AFF4: variants seen among roughly 807,000 people sequenced by gnomAD.
The protein encoded by AFF4 is ALF transcription elongation factor 4.
Under a neutral mutation model 124.8 loss-of-function variants are expected in AFF4, and 13 were observed. The observed-to-expected ratio is 0.10, with a 90% CI of 0.07 to 0.17. AFF4 has a LOEUF of 0.17. AFF4 is among the 10% of genes least tolerant of loss of function. AFF4 has a pLI of 1.00. For synonymous variants in AFF4, 477 were observed against 496.1 expected (o/e 0.96, Z 0.51); for missense variants, 1,092 against 1,403.8 (o/e 0.78, Z 3.55).
chr5:132,896,566 A>G lies in AFF4; in HGVS notation c.2064T>C (p.Phe688=), dbSNP rs1760404722. ...CCATAGGAGAGAACATTCGTTGCCG[A>G]AAAAAGCTATCTTCTTCCTCCACTG... is the stretch of plus-strand genomic sequence containing the variant. The part of the protein sequence containing the change: ...PSSVEEEDSF[F]RQRMFSPMEE... Residue 688 remains phenylalanine, a synonymous_variant, in exon 11 of 21, where the codon TTT becomes TTC. Coordinates refer to ENST00000265343, the MANE Select transcript of AFF4 (RefSeq NM_014423.4). The G allele has an allele frequency of 1.9e-6, 3 of 1,613,916 alleles. No individual in the cohort carries two copies. Among genetic ancestry groups the G allele is most frequent in the African/African-American group, 2.7e-5 (2 of 74,876 alleles).
chr5:132,962,777 G>A (rs1762108347), intron 1 of AFF4, among the ~76,000 whole-genome samples: 1 of 150,250 alleles, frequency 6.7e-6, no homozygotes, highest in Admixed American at 6.7e-5. Context: ...AATCCCCTTC[G>A]CAAGTCGAAG....
Position 132,913,433 on chromosome 5 carries a change from C to T in AFF4, c.1051-9029G>A, listed in dbSNP as rs577881014. 7.9e-5 allele frequency among the ~76,000 whole-genome samples: 12 copies of T among 152,252 alleles called. No individual in the cohort carries two copies. The South Asian group carries it at 2.5e-3, about 32-fold the overall frequency. On this transcript the variant is annotated intron_variant, in intron 5 of 20. Transcript: ENST00000265343. ...CAACTTGACCTAACAGGACACTCCA[C>T]TCAACAACAGCAGAATACGCTTCTT...
chr5:132,940,404 G>C (rs1013727226), intron 1 of AFF4, among the ~76,000 whole-genome samples: 4 of 151,764 alleles, frequency 2.6e-5, no homozygotes, highest in African/African-American at 9.7e-5. Flanking sequence ...GGGAGGCTGA[G>C]GCAGGAGAAT....
intron 5 of AFF4, among the ~76,000 whole-genome samples, chr5:132,911,347 C>T (rs1204325440): frequency 6.6e-6 from 1 of 151,772 alleles, no homozygotes; most frequent in African/African-American, 2.4e-5. Context: ...AAATCTCATG[C>T]CAGGAACATA....
chr5:132,895,725 T>C lies in AFF4; in HGVS notation c.2307+598A>G, dbSNP rs1198468019. ...GATTATTATCCTCCAATCACAGACA[T>C]GCGTGAGTTTTCACATTTCCTTAGT... is the stretch of plus-strand genomic sequence containing the variant. On this transcript the variant is annotated intron_variant, in intron 11 of 20. Coordinates refer to ENST00000265343, the MANE Select transcript of AFF4 (RefSeq NM_014423.4). Among the ~76,000 whole-genome samples the C allele has an allele frequency of 2.0e-5, 3 of 152,246 alleles. No homozygotes were observed. In the East Asian group the frequency reaches 5.8e-4, roughly 29 times the overall value.
Position 132,889,032 on chromosome 5 carries a change from C to T in AFF4, c.2732+47G>A, listed in dbSNP as rs533032775. 5.7e-5 allele frequency: 87 copies of T among 1,539,184 alleles called. No individual in the cohort carries two copies. In the South Asian group the frequency reaches 8.7e-4, roughly 15 times the overall value. On this transcript the variant is annotated intron_variant, in intron 14 of 20. Coordinates refer to ENST00000265343, the MANE Select transcript of AFF4 (RefSeq NM_014423.4). ...TGAAAATGAGTTTCTTATATGCTGA[C>T]TGGAATCATTTCTTAAATACAGATA...
rs1206698351 is a variant in AFF4, at chr5:132,908,757, C to CATAT, written c.1051-4357_1051-4354dup. On this transcript the variant is annotated intron_variant, in intron 5 of 20. Coordinates refer to ENST00000265343, the MANE Select transcript of AFF4 (RefSeq NM_014423.4). ...ATATAATCTATACACTATATATATA[C>CATAT]ATATATATATATATATATATTTTTT... Among the ~76,000 whole-genome samples, 38 of 136,154 alleles carry CATAT rather than the reference C, an allele frequency of 2.8e-4. 1 individual carries two copies. Among genetic ancestry groups the CATAT allele is most frequent in the African/African-American group, 9.1e-4 (33 of 36,426 alleles). The allele number at this position is 136,154 out of a possible 152,430, so 89.3% of individuals were successfully genotyped here. A position where few individuals can be genotyped will look rare whatever the true frequency, so the allele number is the denominator to read the frequency against.
At chr5:132,889,699 G>T (rs898959553) in intron 13 of AFF4, among the ~76,000 whole-genome samples, 1 of 152,176 alleles carries the variant, frequency 6.6e-6, no homozygotes, top group Admixed American at 6.5e-5. Flanking sequence ...GTTCAAACAG[G>T]TTTTAAATGG....
intron 13 of AFF4, among the ~76,000 whole-genome samples, chr5:132,889,673 T>G (rs1470259846): frequency 2.0e-5 from 3 of 152,262 alleles, no homozygotes; most frequent in African/African-American, 7.2e-5. Context: ...TCAAGGAGGT[T>G]GAGTAACTTG....
chr5:132,883,303 A>G (rs1760032239), intron 20 of AFF4, 37 bp downstream of exon 20: 2 of 1,585,650 alleles, frequency 1.3e-6, no homozygotes. Flanking sequence ...CCTTCTAACA[A>G]TTCCATCCCT....
At chr5:132,899,508 C>A in intron 8 of AFF4, 79 bp downstream of exon 8, 3 of 1,231,450 alleles carry the variant, frequency 2.4e-6, no homozygotes, top group African/African-American at 1.5e-5. Context: ...GTAATAAATG[C>A]ATTATTCAAT....
At chr5:132,885,486 T>TGGGG (rs1760096850) in intron 18 of AFF4, among the ~76,000 whole-genome samples, 7 of 5,710 alleles carry the variant, frequency 1.2e-3, no homozygotes, top group African/African-American at 3.5e-3. Context: ...GGTGGGTGGG[T>TGGGG]GGGGAGAGGG....
intron 1 of AFF4, among the ~76,000 whole-genome samples, chr5:132,947,755 C>G (rs1467977980): frequency 6.6e-6 from 1 of 152,124 alleles, no homozygotes. Context: ...ACCCATGAGA[C>G]AGTCTGAAGA....
chr5:132,957,156 T>C (rs1761982972), intron 1 of AFF4, among the ~76,000 whole-genome samples: 1 of 142,862 alleles, frequency 7.0e-6, no homozygotes, highest in African/African-American at 2.6e-5. Context: ...GCCCAGGCAA[T>C]ACAGCAAGAC....
intron 3 of AFF4, among the ~76,000 whole-genome samples, chr5:132,933,163 C>T (rs1047858017): frequency 1.3e-5 from 2 of 151,840 alleles, no homozygotes; most frequent in Admixed American, 6.6e-5. Flanking sequence ...TTTGCGAGGC[C>T]GAGGCGGGCG....
At chr5:132,885,370 A>G (rs1395763968) in intron 18 of AFF4, among the ~76,000 whole-genome samples, 1 of 150,908 alleles carries the variant, frequency 6.6e-6, no homozygotes, top group Non-Finnish European at 1.5e-5. Flanking sequence ...ACACATGGAT[A>G]AAGGGAAGGG....
chr5:132,953,143 T>C (rs529353165), intron 1 of AFF4, among the ~76,000 whole-genome samples: 1 of 149,520 alleles, frequency 6.7e-6, no homozygotes, highest in South Asian at 2.1e-4. Context: ...CTAGGCAACA[T>C]AGGGAGAATC....
At chr5:132,961,211 C>G (rs571537484) in intron 1 of AFF4, among the ~76,000 whole-genome samples, 1 of 150,204 alleles carries the variant, frequency 6.7e-6, no homozygotes, top group South Asian at 2.1e-4. Context: ...GTGATCTCGG[C>G]TTACTGCAAC....
At chr5:132,959,718 G>C (rs1347391771) in intron 1 of AFF4, among the ~76,000 whole-genome samples, 4 of 150,542 alleles carry the variant, frequency 2.7e-5, no homozygotes, top group Non-Finnish European at 4.4e-5. Flanking sequence ...AACCAAGAAG[G>C]GTATGTATAG....
Sources: allele counts gnomAD v4.1 joint callset (sites outside exome capture counted in the v4.1 genomes callset), GRCh38; gene constraint gnomAD v4.1.1; transcripts MANE v1.5; gene names NCBI Gene and HGNC (gene_info 2026-07-23, HGNC 2026-07-21).